CLSTN2: variants seen among roughly 807,000 people sequenced by gnomAD.
The protein encoded by CLSTN2 is calsyntenin-2.
A neutral mutation model predicts 101.2 loss-of-function variants in CLSTN2; 48 were observed. That is an observed-to-expected ratio of 0.47 (90% CI 0.38 to 0.60). The LOEUF (loss-of-function observed/expected upper bound fraction) is 0.60. CLSTN2 is among the 20% of genes least tolerant of loss of function. The pLI is 0.00. For missense variants in CLSTN2, 1,160 were observed against 1,238.2 expected (o/e 0.94, Z 0.95); for synonymous variants, 481 against 463.6 (o/e 1.04, Z -0.48).
chr3:140,576,826 T>C lies in CLSTN2; in HGVS notation c.*10573T>C, dbSNP rs914358659. The C allele has an allele frequency of 6.6e-6, 1 of 152,242 alleles. No individual in the cohort carries two copies. The highest frequency in any genetic ancestry group is 1.5e-5 in the Non-Finnish European group (1 of 68,058). The allele number at this position is 152,242 out of a possible 1,614,324, so 9.4% of individuals were successfully genotyped here. The stretch of plus-strand genomic sequence containing the variant: ...TCAAGCTGCCTCAAAGAATGAATCT[T>C]TTTAGTCTAGAAAATGTGTTTATTT... On this transcript the variant is annotated 3_prime_UTR_variant, in exon 17 of 17. Coordinates refer to ENST00000458420, the MANE Select transcript of CLSTN2 (RefSeq NM_022131.3).
intron 5 of CLSTN2, among the ~76,000 whole-genome samples, chr3:140,427,244 T>TACATAC (rs2088582449): frequency 2.0e-4 from 26 of 127,566 alleles, no homozygotes; most frequent in South Asian, 1.6e-3. Context: ...TATATATATA[T>TACATAC]ACATATATAT....
At chr3:140,212,555 AT>A (rs1319696795) in intron 2 of CLSTN2, among the ~76,000 whole-genome samples, 1 of 152,106 alleles carries the variant, frequency 6.6e-6, no homozygotes, top group Non-Finnish European at 1.5e-5. Context: ...GCTTAGTCTC[AT>A]TTGCTTATAA....
intron 8 of CLSTN2, among the ~76,000 whole-genome samples, chr3:140,514,906 ACTCT>A (rs768000190): frequency 5.9e-5 from 9 of 151,904 alleles, no homozygotes; most frequent in Admixed American, 2.0e-4. Context: ...TTTAGGGAGG[ACTCT>A]CTCTTTCTCT....
intron 2 of CLSTN2, among the ~76,000 whole-genome samples, chr3:140,230,384 G>GA (rs1329861932): frequency 1.3e-5 from 2 of 152,232 alleles, no homozygotes; most frequent in Non-Finnish European, 2.9e-5. Flanking sequence ...TCTAGTGCTT[G>GA]AAGCAAGCTT....
chr3:139,956,936 T>C (rs913666707), intron 1 of CLSTN2, among the ~76,000 whole-genome samples: 1 of 152,226 alleles, frequency 6.6e-6, no homozygotes, highest in Non-Finnish European at 1.5e-5. Flanking sequence ...TCCTCCCCTC[T>C]TTCTGGGCTT....
chr3:140,084,156 T>C (rs1271666447), intron 1 of CLSTN2, among the ~76,000 whole-genome samples: 1 of 152,140 alleles, frequency 6.6e-6, no homozygotes, highest in Non-Finnish European at 1.5e-5. Context: ...TCTCCTTGCC[T>C]TTCTTGTTTC....
rs997752700 is a variant in CLSTN2, at chr3:140,572,083, A to T, written c.*5830A>T. The T allele has an allele frequency of 1.3e-5, 2 of 152,306 alleles. No individual in the cohort carries two copies. Among genetic ancestry groups the T allele is most frequent in the African/African-American group, 4.8e-5 (2 of 41,430 alleles). 9.4% of individuals were successfully genotyped at this position (152,306 alleles called of 1,614,324 possible). A position where few individuals can be genotyped will look rare whatever the true frequency, so the allele number is the denominator to read the frequency against. On this transcript the variant is annotated 3_prime_UTR_variant, in exon 17 of 17. Transcript: ENST00000458420. ...AGCTCTTGGCCTGTGAGCTGTTGGG[A>T]TGTCCCTTTGTGGTGTTGGAAGCTG...
intron 2 of CLSTN2, among the ~76,000 whole-genome samples, chr3:140,270,956 G>A (rs569887158): frequency 4.2e-4 from 64 of 152,160 alleles, no homozygotes; most frequent in Non-Finnish European, 6.8e-4. Context: ...CTAGCATGGA[G>A]ACAATTTAGC....
intron 1 of CLSTN2, among the ~76,000 whole-genome samples, chr3:139,954,484 T>A (rs1935353254): frequency 6.6e-6 from 1 of 152,138 alleles, no homozygotes; most frequent in Admixed American, 6.5e-5. Flanking sequence ...CTCTGAAGGC[T>A]CCTTGAGGGC....
At chr3:140,380,444 A>T (rs2087967991) in intron 2 of CLSTN2, among the ~76,000 whole-genome samples, 1 of 152,210 alleles carries the variant, frequency 6.6e-6, no homozygotes, top group Non-Finnish European at 1.5e-5. Flanking sequence ...AAATAATAAC[A>T]GGTTTATTTA....
At chr3:139,997,836 A>C (rs2006717284) in intron 1 of CLSTN2, among the ~76,000 whole-genome samples, 1 of 152,192 alleles carries the variant, frequency 6.6e-6, no homozygotes, top group Non-Finnish European at 1.5e-5. Context: ...GAGTTGCATC[A>C]GATTTATAGG....
At chr3:140,157,780 G>C (rs768483241) in intron 1 of CLSTN2, among the ~76,000 whole-genome samples, 16 of 152,078 alleles carry the variant, frequency 1.1e-4, no homozygotes, top group Non-Finnish European at 1.6e-4. Context: ...CTTGCTTTGG[G>C]GTTAATCCAG....
intron 6 of CLSTN2, among the ~76,000 whole-genome samples, chr3:140,455,028 A>G (rs1045923337): frequency 6.6e-6 from 1 of 152,236 alleles, no homozygotes; most frequent in Non-Finnish European, 1.5e-5. Context: ...TTCTTCCTTC[A>G]GAAAATAAAA....
At chr3:140,325,525 C>A (rs2087323903) in intron 2 of CLSTN2, among the ~76,000 whole-genome samples, 1 of 152,150 alleles carries the variant, frequency 6.6e-6, no homozygotes, top group African/African-American at 2.4e-5. Flanking sequence ...GTGGAGGTTC[C>A]TCTTCAAAGA....
At chr3:140,318,102 T>G (rs545250557) in intron 2 of CLSTN2, among the ~76,000 whole-genome samples, 1 of 152,276 alleles carries the variant, frequency 6.6e-6, no homozygotes, top group African/African-American at 2.4e-5. Flanking sequence ...TAGCTCACAT[T>G]GTAAATGATG....
intron 1 of CLSTN2, among the ~76,000 whole-genome samples, chr3:140,029,736 A>G (rs2007507162): frequency 6.6e-6 from 1 of 152,070 alleles, no homozygotes; most frequent in Admixed American, 6.5e-5. Context: ...TTTTCCCAAT[A>G]TTTTAAAGTT....
chr3:139,996,452 C>T (rs1376624585), intron 1 of CLSTN2, among the ~76,000 whole-genome samples: 1 of 152,084 alleles, frequency 6.6e-6, no homozygotes, highest in Admixed American at 6.5e-5. Flanking sequence ...TACAGTGGCG[C>T]GATCTCGGCT....
At chr3:140,119,076 C>G (rs1327944815) in intron 1 of CLSTN2, among the ~76,000 whole-genome samples, 2 of 152,168 alleles carry the variant, frequency 1.3e-5, no homozygotes, top group African/African-American at 4.8e-5. Flanking sequence ...AACTTGGGCC[C>G]CAGGAGGGGC....
chr3:140,458,460 G>C (rs116643436), intron 6 of CLSTN2, among the ~76,000 whole-genome samples: 385 of 152,212 alleles, frequency 2.5e-3, no homozygotes, highest in African/African-American at 8.8e-3. Context: ...TCTGTGTATA[G>C]AACAGAAGGA....
Sources: gnomAD v4.1 joint callset for allele counts (sites outside exome capture counted in the v4.1 genomes callset) on GRCh38, gnomAD v4.1.1 for gene constraint, MANE v1.5 for transcripts, NCBI Gene and HGNC (gene_info 2026-07-23, HGNC 2026-07-21) for gene names.